The following NT5C2 variants were observed in gnomAD, a reference collection of about 807,000 sequenced individuals.
The protein encoded by NT5C2 is 5'-nucleotidase, cytosolic II.
Under a neutral mutation model 76.1 loss-of-function variants are expected in NT5C2, and 58 were observed. That is an observed-to-expected ratio of 0.76 (90% CI 0.62 to 0.95). The LOEUF (loss-of-function observed/expected upper bound fraction) is 0.95, where lower values mean the gene tolerates loss of function less well. Among genes scored for constraint, NT5C2 ranks in the 40% least tolerant of loss-of-function variants. The probability of loss-of-function intolerance (pLI) is 0.00; values close to 1 mark genes in which losing one functional copy is unlikely to be tolerated. For missense variants in NT5C2, 478 were observed against 690.3 expected (o/e 0.69, Z 3.45); for synonymous variants, 229 against 237.4 (o/e 0.96, Z 0.32).
chr10:103,153,783 T>C (rs1780393564), intron 3 of NT5C2: 1 of 976,218 alleles, frequency 1.0e-6, no homozygotes, highest in Non-Finnish European at 1.2e-6. Flanking sequence ...TAATTTTATG[T>C]TTTAATTATT....
In NT5C2 at chr10:103,163,331, C is replaced by G. The variant is rs550128226; in HGVS notation, c.101+11527G>C. Among the ~76,000 whole-genome samples the G allele has an allele frequency of 1.3e-4, 20 of 152,238 alleles. No individual in the cohort carries two copies. In the South Asian group the frequency reaches 4.1e-3, roughly 32 times the overall value. On this transcript the variant is annotated intron_variant, in intron 3 of 18. Coordinates refer to ENST00000404739, the MANE Select transcript of NT5C2 (RefSeq NM_001351169.2). ...ATTTCTGGGTCATTAATGTTAAGGT[C>G]TCTAACTTGATAAGAAACTGCCAAA...
rs771646698 is a variant in NT5C2 at position 103,101,080 on chromosome 10, TAGGCAGGCCAAC to T, written c.492_503del (p.Leu165_Leu168del). 1.9e-6 allele frequency: 3 copies of T among 1,588,282 alleles called. No individual in the cohort carries two copies. The highest frequency in any genetic ancestry group is 2.6e-6 in the Non-Finnish European group (3 of 1,156,560). On this transcript the variant is annotated inframe_deletion, in exon 8 of 19. Transcript: ENST00000404739. ...TGGGACAATTAGTAAAAAAATCTAC[TAGGCAGGCCAAC>T]AGGTAGGTCTCTGAAAAATGAAGAA...
chr10:103,119,958 G>C (rs2075321472), intron 4 of NT5C2, among the ~76,000 whole-genome samples: 1 of 152,020 alleles, frequency 6.6e-6, no homozygotes, highest in African/African-American at 2.4e-5. Context: ...AATTAGCCAG[G>C]CATGATGGCA....
At chr10:103,129,129 G>T (rs1310149874) in intron 4 of NT5C2, among the ~76,000 whole-genome samples, 3 of 127,806 alleles carry the variant, frequency 2.3e-5, no homozygotes, top group African/African-American at 5.9e-5. Context: ...GAGGTGGGGG[G>T]TCAGCCCCCC....
At chr10:103,116,801 C>T (rs1591003518) in intron 4 of NT5C2, among the ~76,000 whole-genome samples, 1 of 151,548 alleles carries the variant, frequency 6.6e-6, no homozygotes, top group East Asian at 1.9e-4. Flanking sequence ...TCTAGAACTC[C>T]TGGCCTTAAG....
At chr10:103,151,162 T>C (rs977593469) in intron 3 of NT5C2, among the ~76,000 whole-genome samples, 1 of 152,096 alleles carries the variant, frequency 6.6e-6, no homozygotes, top group African/African-American at 2.4e-5. Flanking sequence ...GTACATTTGT[T>C]AAAAACACTA....
At position 103,106,618 on chromosome 10, in the gene NT5C2, G is replaced by A. The variant is rs201726474; in HGVS notation, c.264C>T (p.Ser88=). The A allele has an allele frequency of 1.2e-5, 20 of 1,612,650 alleles. No homozygotes were observed. The highest frequency in any genetic ancestry group is 5.9e-6 in the Non-Finnish European group (7 of 1,178,840). ...TAGGGAATGTAGAATCATAAGCAAAGCTGAGCAACTCCTGGGGATAGCCAA... is the reference window on the plus strand; with the variant it reads ...TAGGGAATGTAGAATCATAAGCAAAACTGAGCAACTCCTGGGGATAGCCAA... ...VSIGYPQELL[S]FAYDSTFPTR... Residue 88 remains serine (S), a synonymous_variant, in exon 5 of 19, where the codon AGC becomes AGT. Coordinates refer to ENST00000404739, the MANE Select transcript of NT5C2 (RefSeq NM_001351169.2).
Position 103,093,989 on chromosome 10 carries a change from C to T in NT5C2, c.971G>A (p.Gly324Asp). The T allele has an allele frequency of 6.2e-7, 1 of 1,613,514 alleles. No homozygotes were observed. The highest frequency in any genetic ancestry group is 8.5e-7 in the Non-Finnish European group (1 of 1,179,462). The part of the protein sequence containing the change: ...IGTYTGPLQH[G>D]IVYSGGSSDT... ...TGACTTACCTCCTGAGTAGACGATA[C>T]CATGCTGTAGGGGCCCTGTGTAGGT... Residue 324 changes from glycine (G) to aspartate (D), a missense_variant, in exon 14 of 19, where the codon GGT becomes GAT. Gly to Asp is a moderately conservative substitution (Grantham distance 94). Coordinates refer to ENST00000404739, the MANE Select transcript of NT5C2 (RefSeq NM_001351169.2).
intron 2 of NT5C2, among the ~76,000 whole-genome samples, chr10:103,180,560 A>G (rs1176386434): frequency 1.3e-5 from 2 of 152,108 alleles, no homozygotes; most frequent in African/African-American, 4.8e-5. Context: ...GGCAAAATGC[A>G]GTCTTTACGA....
intron 6 of NT5C2, 98 bp downstream of exon 6, chr10:103,105,608 A>AAAGTAATAGGGAAATATATTACAT (rs1465202202): frequency 1.2e-6 from 1 of 840,608 alleles, no homozygotes; most frequent in African/African-American, 1.7e-5. Context: ...TTAATGATGA[A>AAAGTAATAGGGAAATATATTACAT]AAGTAATAGG....
At chr10:103,145,566 A>G (rs994324416) in intron 3 of NT5C2, among the ~76,000 whole-genome samples, 2 of 152,218 alleles carry the variant, frequency 1.3e-5, no homozygotes, top group African/African-American at 4.8e-5. Context: ...CCTATGTTCA[A>G]GAGCTTGAAC....
At chr10:103,150,508 C>T (rs931460006) in intron 3 of NT5C2, among the ~76,000 whole-genome samples, 1 of 152,132 alleles carries the variant, frequency 6.6e-6, no homozygotes, top group Non-Finnish European at 1.5e-5. Flanking sequence ...TTTATGTGGG[C>T]ATTTTTTAAT....
At chr10:103,153,132 T>G (rs1255612063) in intron 3 of NT5C2, among the ~76,000 whole-genome samples, 1 of 152,230 alleles carries the variant, frequency 6.6e-6, no homozygotes, top group Admixed American at 6.5e-5. Flanking sequence ...TATAGTAGAT[T>G]ACACATGAAA....
intron 4 of NT5C2, among the ~76,000 whole-genome samples, chr10:103,116,970 G>A (rs541607874): frequency 1.2e-4 from 18 of 151,992 alleles, no homozygotes; most frequent in African/African-American, 4.3e-4. Context: ...AGATAGTACT[G>A]GTATTATTAT....
At chr10:103,092,770 C>G (rs2067237678) in intron 15 of NT5C2, among the ~76,000 whole-genome samples, 1 of 152,120 alleles carries the variant, frequency 6.6e-6, no homozygotes, top group Non-Finnish European at 1.5e-5. Context: ...CCCAGAATCA[C>G]AGATATGGGC....
Position 103,102,953 on chromosome 10 carries a change from G to A in NT5C2, c.390-1627C>T, listed in dbSNP as rs138306554. 7.4e-4 allele frequency among the ~76,000 whole-genome samples: 113 copies of A among 151,882 alleles called. 1 individual carries two copies. The highest frequency in any genetic ancestry group is 2.7e-3 in the African/African-American group (110 of 41,402). Reference sequence around the variant, plus strand: ...GAGATGAAACCACTTAGTGTGCAGAGAAGGAAGAGAAGAGACAGAACAGAA... The same window carrying A: ...GAGATGAAACCACTTAGTGTGCAGAAAAGGAAGAGAAGAGACAGAACAGAA... On this transcript the variant is annotated intron_variant, in intron 6 of 18. Coordinates refer to ENST00000404739, the MANE Select transcript of NT5C2 (RefSeq NM_001351169.2).
intron 3 of NT5C2, among the ~76,000 whole-genome samples, chr10:103,164,728 G>A (rs1402125119): frequency 6.6e-6 from 1 of 152,086 alleles, no homozygotes; most frequent in East Asian, 1.9e-4. Flanking sequence ...AATTAATACA[G>A]AAGCCATACC....
chr10:103,091,470 C>T, intron 16 of NT5C2, 94 bp downstream of exon 16: 1 of 991,200 alleles, frequency 1.0e-6, no homozygotes, highest in South Asian at 1.4e-5. Flanking sequence ...CTCAGCCTCC[C>T]AAATAGCTGG....
intron 11 of NT5C2, among the ~76,000 whole-genome samples, chr10:103,096,619 G>T (rs1025344192): frequency 2.6e-5 from 4 of 152,034 alleles, no homozygotes; most frequent in Non-Finnish European, 4.4e-5. Flanking sequence ...GCCAAGGTGG[G>T]TGGATCACGA....
Sources: allele counts gnomAD v4.1 joint callset (sites outside exome capture counted in the v4.1 genomes callset), GRCh38; gene constraint gnomAD v4.1.1; transcripts MANE v1.5; gene names NCBI Gene and HGNC (gene_info 2026-07-23, HGNC 2026-07-21).